Variants in FRY observed in about 807,000 individuals in gnomAD.
The protein encoded by FRY is protein furry homolog.
A neutral mutation model predicts 348.4 loss-of-function variants in FRY; 128 were observed. The observed-to-expected ratio is 0.37, with a 90% confidence interval of 0.32 to 0.43. The LOEUF (loss-of-function observed/expected upper bound fraction) is 0.43. Ranked by LOEUF, FRY falls within the 20% of genes least tolerant of loss-of-function variation. The pLI, the probability that FRY is intolerant of heterozygous loss-of-function variation, is 1.00. For missense variants in FRY, 2,736 were observed against 3,695.2 expected, an observed-to-expected ratio of 0.74 and a Z score of 6.73; for synonymous variants, 1,370 against 1,374.7, an observed-to-expected ratio of 1.00 and a Z score of 0.08.
intron 1 of FRY, among the ~76,000 whole-genome samples, chr13:32,057,011 A>T (rs1873665296): frequency 6.6e-6 from 1 of 152,180 alleles, no homozygotes; most frequent in South Asian, 2.1e-4. Context: ...TTACAATATG[A>T]TCATTTTAAA....
chr13:32,181,694 A>T (rs1882724702), intron 23 of FRY, among the ~76,000 whole-genome samples: 1 of 152,104 alleles, frequency 6.6e-6, no homozygotes. Context: ...AGACCTCTAA[A>T]TACTTCTGGA....
chr13:32,063,156 T>C (rs377640788), intron 1 of FRY, among the ~76,000 whole-genome samples: 9 of 152,170 alleles, frequency 5.9e-5, no homozygotes, highest in African/African-American at 2.2e-4. Flanking sequence ...TTTGCGATGT[T>C]TATTTGTCAA....
At chr13:32,241,845 A>G (rs546846484) in intron 46 of FRY, among the ~76,000 whole-genome samples, 2 of 152,266 alleles carry the variant, frequency 1.3e-5, no homozygotes, top group Non-Finnish European at 2.9e-5. Flanking sequence ...CAAAAAATTT[A>G]TTATGAACTT....
chr13:32,168,394 T>C (rs903203765), intron 17 of FRY, among the ~76,000 whole-genome samples: 1 of 152,200 alleles, frequency 6.6e-6, no homozygotes, highest in Non-Finnish European at 1.5e-5. Flanking sequence ...AGTCCACTGA[T>C]TTAAATGTTA....
At chr13:32,245,164 G>T (rs1211056954) in intron 47 of FRY, among the ~76,000 whole-genome samples, 2 of 151,898 alleles carry the variant, frequency 1.3e-5, no homozygotes, top group Non-Finnish European at 2.9e-5. Context: ...TGGCCAGGCT[G>T]GTCTCGAACT....
rs901659135 is a variant in FRY, at chr13:32,293,226, A to G, written c.8581-1142A>G. ...TACATAAGTTTTAAATAATGTATAT[A>G]TACACACATAATGTTTAAAACTTAT... On this transcript the variant is annotated intron_variant, in intron 59 of 60. Coordinates refer to ENST00000542859, the MANE Select transcript of FRY (RefSeq NM_023037.3). 1.1e-4 allele frequency among the ~76,000 whole-genome samples: 17 copies of G among 152,258 alleles called. No individual in the cohort carries two copies. The South Asian group carries it at 3.5e-3, about 31-fold the overall frequency.
rs1180723603 is a variant in FRY at position 32,219,603 on chromosome 13, C to CA, written c.4765+778dup. ...GAAACCCCATCTCTACTAAAAAATACAAAAAATTAGCCGGGCATGGTGGCG... is the reference window on the plus strand; with the variant it reads ...GAAACCCCATCTCTACTAAAAAATACAAAAAAATTAGCCGGGCATGGTGGCG... On this transcript the variant is annotated intron_variant, in intron 36 of 60. Transcript: ENST00000542859. Among the ~76,000 whole-genome samples, 4 of 151,030 alleles carry CA rather than the reference C, an allele frequency of 2.6e-5. 1 individual carries two copies. Among genetic ancestry groups the CA allele is most frequent in the Admixed American group, 1.3e-4 (2 of 15,206 alleles).
chr13:32,065,306 A>T (rs1874184188), intron 1 of FRY, among the ~76,000 whole-genome samples: 2 of 151,978 alleles, frequency 1.3e-5, no homozygotes. Flanking sequence ...CACTCTAATT[A>T]AAAAAAAATT....
intron 26 of FRY, among the ~76,000 whole-genome samples, chr13:32,185,534 C>A (rs1311132945): frequency 6.6e-6 from 1 of 152,160 alleles, no homozygotes; most frequent in African/African-American, 2.4e-5. Context: ...TTCTCTCTGA[C>A]TCTACCCTAC....
Position 32,119,447 on chromosome 13 carries a change from T to G in FRY, c.464+1974T>G, listed in dbSNP as rs141899860. ...TTGAATTCATTATTAGAAATGTATA[T>G]GTCTTACTTTGATTTGAAAACATAA... On this transcript the variant is annotated intron_variant, in intron 4 of 60. Transcript: ENST00000542859. Among the ~76,000 whole-genome samples the G allele has an allele frequency of 2.9e-4, 44 of 152,336 alleles. No homozygotes were observed. In the East Asian group the frequency reaches 6.6e-3, roughly 23 times the overall value.
chr13:32,220,278 ACTT>A (rs1175752953), intron 36 of FRY, among the ~76,000 whole-genome samples: 1 of 152,228 alleles, frequency 6.6e-6, no homozygotes, highest in Non-Finnish European at 1.5e-5. Context: ...CCCTTGTTCT[ACTT>A]CTGAATGCAC....
chr13:32,212,051 A>C (rs1884716749), intron 34 of FRY, among the ~76,000 whole-genome samples: 2 of 152,248 alleles, frequency 1.3e-5, no homozygotes, highest in South Asian at 4.1e-4. Context: ...TCAAGAATGT[A>C]GGCTTGCTTT....
At chr13:32,032,976 T>A (rs1435777773) in intron 1 of FRY, among the ~76,000 whole-genome samples, 1 of 152,206 alleles carries the variant, frequency 6.6e-6, no homozygotes, top group African/African-American at 2.4e-5. Flanking sequence ...TGTGCTGCAA[T>A]TGCTTTGAGG....
rs540720906 is a variant in FRY, at chr13:32,096,735, AGAGGCGGCAGTGAGCT to A, written c.271-5224_271-5209del. On this transcript the variant is annotated intron_variant, in intron 2 of 60. Coordinates refer to ENST00000542859, the MANE Select transcript of FRY (RefSeq NM_023037.3). ...GGAGAATCTCTTGAATGCAGGAGGC[AGAGGCGGCAGTGAGCT>A]GAGATCATGCCACTGCCATTCAGCC... Among the ~76,000 whole-genome samples the A allele has an allele frequency of 7.3e-5, 10 of 137,038 alleles. No individual in the cohort carries two copies. In the South Asian group the frequency reaches 2.5e-3, roughly 35 times the overall value. 89.9% of individuals were successfully genotyped at this position (137,038 alleles called of 152,430 possible). A position where few individuals can be genotyped will look rare whatever the true frequency, so the allele number is the denominator to read the frequency against.
chr13:32,205,610 A>G (rs1288022484), intron 31 of FRY, among the ~76,000 whole-genome samples: 1 of 152,118 alleles, frequency 6.6e-6, no homozygotes, highest in Non-Finnish European at 1.5e-5. Flanking sequence ...TGTGTACACT[A>G]CAAGGTTTGT....
intron 51 of FRY, chr13:32,257,899 C>G: frequency 7.2e-7 from 1 of 1,389,460 alleles, no homozygotes; most frequent in African/African-American, 1.4e-5. Context: ...TCTTGAGTAT[C>G]TTTAATATAA....
At chr13:32,292,787 T>C (rs1240642127) in intron 59 of FRY, among the ~76,000 whole-genome samples, 3 of 103,538 alleles carry the variant, frequency 2.9e-5, no homozygotes, top group Non-Finnish European at 6.2e-5. Context: ...CAAGACTCCA[T>C]CTCAATAAAT....
chr13:32,274,565 G>C lies in FRY; in HGVS notation c.8137-277G>C, dbSNP rs111540368. On this transcript the variant is annotated intron_variant, in intron 55 of 60. Coordinates refer to ENST00000542859, the MANE Select transcript of FRY (RefSeq NM_023037.3). Reference sequence around the variant, plus strand: ...TAAAAATACAAAAAATTAGCCAGGCGTGGTGGCAGGCACCTGTAGTCCCAG... The same window carrying C: ...TAAAAATACAAAAAATTAGCCAGGCCTGGTGGCAGGCACCTGTAGTCCCAG... Among the ~76,000 whole-genome samples, 15 of 151,486 alleles carry C rather than the reference G, an allele frequency of 9.9e-5. 1 individual carries two copies. Among genetic ancestry groups the C allele is most frequent in the Admixed American group, 2.6e-4 (4 of 15,186 alleles).
At chr13:32,148,028 C>T (rs374172329) in intron 13 of FRY, 81 bp downstream of exon 13, 26 of 835,190 alleles carry the variant, frequency 3.1e-5, no homozygotes, top group African/African-American at 1.8e-4. Flanking sequence ...TACTAAAAGA[C>T]GGAAAGTCTA....
Sources: gnomAD v4.1 joint callset for allele counts (sites outside exome capture counted in the v4.1 genomes callset) on GRCh38, gnomAD v4.1.1 for gene constraint, MANE v1.5 for transcripts, NCBI Gene and HGNC (gene_info 2026-07-23, HGNC 2026-07-21) for gene names.